HMGCLL1: variants seen among roughly 807,000 people sequenced by gnomAD.
HMGCLL1 encodes 3-hydroxymethyl-3-methylglutaryl-CoA lyase, cytoplasmic.
Under a neutral mutation model 39.1 loss-of-function variants are expected in HMGCLL1, and 36 were observed. The ratio of observed to expected loss-of-function variants is 0.92; its 90% CI spans 0.71 to 1.22. The LOEUF is 1.22. Among genes scored for constraint, HMGCLL1 ranks in the 50% most tolerant of loss-of-function variants. The pLI, the probability that HMGCLL1 is intolerant of heterozygous loss-of-function variation, is 0.00. For missense variants in HMGCLL1, 451 were observed against 416.5 expected, an observed-to-expected ratio of 1.08 and a Z score of -0.72; for synonymous variants, 149 against 144.0, an observed-to-expected ratio of 1.03 and a Z score of -0.25.
intron 7 of HMGCLL1, among the ~76,000 whole-genome samples, chr6:55,487,361 C>G (rs1581845100): frequency 1.3e-5 from 2 of 151,874 alleles, no homozygotes; most frequent in African/African-American, 4.8e-5. Flanking sequence ...TTTTGTTACA[C>G]AGGTATACAT....
the HMGCLL1 span, among the ~76,000 whole-genome samples, chr6:55,617,855 T>C: frequency 6.6e-6 from 1 of 152,082 alleles, no homozygotes; most frequent in Non-Finnish European, 1.5e-5. Flanking sequence ...TGGCTCATAA[T>C]TGTTCAATGT....
chr6:55,436,147 T>G (rs1763364144), intron 8 of HMGCLL1, among the ~76,000 whole-genome samples: 1 of 151,730 alleles, frequency 6.6e-6, no homozygotes, highest in South Asian at 2.1e-4. Flanking sequence ...AAGAACTGAC[T>G]TAGAAAAAAA....
chr6:55,599,057 G>A, the HMGCLL1 span, among the ~76,000 whole-genome samples: 2 of 152,122 alleles, frequency 1.3e-5, no homozygotes, highest in South Asian at 4.2e-4. Flanking sequence ...AGTGGGAGCT[G>A]AACAATGAGA....
the HMGCLL1 span, among the ~76,000 whole-genome samples, chr6:55,642,042 A>G: frequency 4.1e-5 from 5 of 122,068 alleles, no homozygotes; most frequent in African/African-American, 9.1e-5. Flanking sequence ...ATATCTCCCA[A>G]TGCTATCCCT....
At chr6:55,618,829 C>T in the HMGCLL1 span, among the ~76,000 whole-genome samples, 1 of 152,102 alleles carries the variant, frequency 6.6e-6, no homozygotes, top group East Asian at 1.9e-4. Context: ...AAGCTAAACA[C>T]CTTAAACATT....
chr6:55,447,146 C>T (rs1763888403), intron 7 of HMGCLL1, among the ~76,000 whole-genome samples: 2 of 151,884 alleles, frequency 1.3e-5, no homozygotes, highest in African/African-American at 4.8e-5. Flanking sequence ...TCAGTGGCCA[C>T]GCTTATTTCC....
At chr6:55,604,341 C>T in the HMGCLL1 span, among the ~76,000 whole-genome samples, 1 of 152,062 alleles carries the variant, frequency 6.6e-6, no homozygotes, top group African/African-American at 2.4e-5. Context: ...TGAAACAAAA[C>T]AAACCTTTTG....
intron 1 of HMGCLL1, among the ~76,000 whole-genome samples, chr6:55,542,934 CTATATT>C (rs941067679): frequency 1.8e-5 from 2 of 114,188 alleles, no homozygotes; most frequent in African/African-American, 7.2e-5. Flanking sequence ...TATTATATTA[CTATATT>C]TATAAGTGTA....
chr6:55,588,745 A>T, the HMGCLL1 span, among the ~76,000 whole-genome samples: 1 of 152,182 alleles, frequency 6.6e-6, no homozygotes, highest in Non-Finnish European at 1.5e-5. Flanking sequence ...TCCCACAGAG[A>T]TACAAACTAC....
Position 55,439,517 on chromosome 6 carries a change from C to T in HMGCLL1, c.838G>A (p.Gly280Ser). ...VVDSAVSGLGGCPYAKGASGN... is the reference protein window; with the variant it reads ...VVDSAVSGLGSCPYAKGASGN... ...GAAGCACCTTTTGCATAAGGGCAGC[C>T]ACCTAATCCGGATACTGCGGAGTCC... The change falls in exon 8 of 9, where the codon GGC becomes AGC. Residue 280 changes from glycine (G) to serine (S), a missense_variant. Coordinates refer to ENST00000274901, the MANE Select transcript of HMGCLL1 (RefSeq NM_001042406.2). 1 of 1,612,978 alleles carries T rather than the reference C, an allele frequency of 6.2e-7. No individual in the cohort carries two copies. Among genetic ancestry groups the T allele is most frequent in the Non-Finnish European group, 8.5e-7 (1 of 1,179,206 alleles).
In HMGCLL1 at chr6:55,439,434, T is replaced by C; in HGVS notation, c.921A>G (p.Thr307=). The change falls in exon 8 of 9, where the codon ACA becomes ACG. Residue 307 remains threonine (T), a splice_region_variant and synonymous_variant. Transcript: ENST00000274901. ...IYMLNGLGLN[T]GVNLYKVMEA... The stretch of plus-strand genomic sequence containing the variant: ...ATTAAAATACGTTAAAGTAACTTAC[T>C]GTATTGAGCCCCAGGCCATTAAGCA... 1 of 1,608,542 alleles carries C rather than the reference T, an allele frequency of 6.2e-7. No individual in the cohort carries two copies. The highest frequency in any genetic ancestry group is 1.1e-5 in the South Asian group (1 of 90,382).
At chr6:55,576,881 T>C (rs1266041808) in intron 1 of HMGCLL1, among the ~76,000 whole-genome samples, 1 of 152,178 alleles carries the variant, frequency 6.6e-6, no homozygotes, top group Non-Finnish European at 1.5e-5. Context: ...ATGTTTGAGT[T>C]TGAGTTGCTT....
At chr6:55,458,964 T>C (rs188063218) in intron 7 of HMGCLL1, among the ~76,000 whole-genome samples, 1 of 152,280 alleles carries the variant, frequency 6.6e-6, no homozygotes, top group East Asian at 1.9e-4. Context: ...ATAAAGTATG[T>C]TTAAACAAAA....
chr6:55,528,681 A>G (rs1271968135), intron 3 of HMGCLL1, among the ~76,000 whole-genome samples: 1 of 151,800 alleles, frequency 6.6e-6, no homozygotes, highest in East Asian at 1.9e-4. Context: ...TGGCTGCCAA[A>G]GCTAAAATAG....
At chr6:55,516,691 G>A in intron 3 of HMGCLL1, 88 bp from the exon 4 acceptor site, 1 of 788,012 alleles carries the variant, frequency 1.3e-6, no homozygotes, top group South Asian at 2.0e-5. Context: ...ATAGTTACAT[G>A]GACAGTTAGA....
intron 3 of HMGCLL1, among the ~76,000 whole-genome samples, chr6:55,520,358 G>A (rs960963781): frequency 6.6e-6 from 1 of 151,576 alleles, no homozygotes; most frequent in Admixed American, 6.6e-5. Context: ...ATCACTGAAG[G>A]TATCTTAATA....
At position 55,579,017 on chromosome 6, in the gene HMGCLL1, G is replaced by C. The variant is rs761208305; in HGVS notation, c.39C>G (p.Ser13Arg). Reference sequence around the variant, plus strand: ...GATGCTCCCGGAGAAGCTGCTGGTAGCTGAGGCAGTGCTTCACCGCGGATG... The same window carrying C: ...GATGCTCCCGGAGAAGCTGCTGGTACCTGAGGCAGTGCTTCACCGCGGATG... The part of the protein sequence containing the change: ...NVPSAVKHCL[S>R]YQQLLREHLW... Residue 13 changes from serine (S) to arginine (R), a missense_variant, in exon 1 of 9, where the codon AGC becomes AGG. Coordinates refer to ENST00000274901, the MANE Select transcript of HMGCLL1 (RefSeq NM_001042406.2). 12 of 1,613,564 alleles carry C rather than the reference G, an allele frequency of 7.4e-6. No individual in the cohort carries two copies. The highest frequency in any genetic ancestry group is 1.0e-5 in the Non-Finnish European group (12 of 1,179,778).
At chr6:55,535,871 GC>G (rs1379001719) in intron 3 of HMGCLL1, among the ~76,000 whole-genome samples, 3 of 152,052 alleles carry the variant, frequency 2.0e-5, no homozygotes, top group African/African-American at 7.3e-5. Context: ...CTCTCTTTCA[GC>G]CCCTTCGTGC....
chr6:55,571,438 A>C (rs1253511571), intron 1 of HMGCLL1, among the ~76,000 whole-genome samples: 1 of 152,214 alleles, frequency 6.6e-6, no homozygotes, highest in Admixed American at 6.5e-5. Context: ...AAAAGGCATA[A>C]ACAGCCTTAA....
Sources: allele counts gnomAD v4.1 joint callset (sites outside exome capture counted in the v4.1 genomes callset), GRCh38; gene constraint gnomAD v4.1.1; transcripts MANE v1.5; gene names NCBI Gene and HGNC (gene_info 2026-07-23, HGNC 2026-07-21).